Variants in RALGAPA2 observed in about 807,000 individuals in gnomAD.
RALGAPA2 encodes the protein ral GTPase-activating protein subunit alpha-2.
RALGAPA2 carries 139 observed loss-of-function variants against 230.4 expected under a neutral mutation model. The observed-to-expected ratio is 0.60, with a 90% CI of 0.53 to 0.69. The LOEUF (loss-of-function observed/expected upper bound fraction) is 0.69. Ranked by LOEUF, RALGAPA2 falls within the 30% of genes least tolerant of loss-of-function variation. The pLI is 0.00. For synonymous variants in RALGAPA2, 847 were observed against 837.8 expected, an observed-to-expected ratio of 1.01 and a Z score of -0.19; for missense variants, 2,163 against 2,276.0, an observed-to-expected ratio of 0.95 and a Z score of 1.01.
chr20:20,675,884 A>T (rs985050023), intron 3 of RALGAPA2, among the ~76,000 whole-genome samples: 1 of 152,154 alleles, frequency 6.6e-6, no homozygotes, highest in Admixed American at 6.5e-5. Context: ...TTGGGTTTTT[A>T]AATTTTTTTA....
At chr20:20,696,043 A>T (rs1410769887) in intron 1 of RALGAPA2, among the ~76,000 whole-genome samples, 1 of 152,100 alleles carries the variant, frequency 6.6e-6, no homozygotes, top group African/African-American at 2.4e-5. Flanking sequence ...ATTTGGGGAT[A>T]ACAGCAAGCC....
At chr20:20,399,384 G>T (rs1257388211) in intron 38 of RALGAPA2, among the ~76,000 whole-genome samples, 2 of 151,786 alleles carry the variant, frequency 1.3e-5, no homozygotes, top group Non-Finnish European at 2.9e-5. Context: ...AGGTTATAGG[G>T]TTACAGTGTC....
At chr20:20,421,343 T>C (rs999461268) in intron 37 of RALGAPA2, among the ~76,000 whole-genome samples, 1 of 152,114 alleles carries the variant, frequency 6.6e-6, no homozygotes, top group African/African-American at 2.4e-5. Flanking sequence ...TGTGGAGAAA[T>C]TGGAATCCTC....
At chr20:20,490,440 T>C (rs972596080) in intron 36 of RALGAPA2, among the ~76,000 whole-genome samples, 1 of 152,222 alleles carries the variant, frequency 6.6e-6, no homozygotes, top group African/African-American at 2.4e-5. Context: ...TTCTGGTTGT[T>C]TGGTATTTTC....
At chr20:20,674,614 T>G (rs1568737479) in intron 3 of RALGAPA2, among the ~76,000 whole-genome samples, 1 of 152,142 alleles carries the variant, frequency 6.6e-6, no homozygotes, top group Non-Finnish European at 1.5e-5. Context: ...GTAGACAAAA[T>G]GTAGGAATTA....
At chr20:20,424,597 C>G (rs2060342584) in intron 37 of RALGAPA2, among the ~76,000 whole-genome samples, 1 of 152,154 alleles carries the variant, frequency 6.6e-6, no homozygotes, top group Non-Finnish European at 1.5e-5. Context: ...GTACTCCCAA[C>G]CTTAATATAG....
chr20:20,598,743 G>A (rs1347435725), intron 16 of RALGAPA2: 3 of 456,392 alleles, frequency 6.6e-6, no homozygotes, highest in East Asian at 6.9e-5. Context: ...CGGTGTGAAG[G>A]AGGAGCGGGA....
chr20:20,499,701 G>A (rs2062316535), intron 35 of RALGAPA2, among the ~76,000 whole-genome samples: 1 of 152,214 alleles, frequency 6.6e-6, no homozygotes, highest in African/African-American at 2.4e-5. Context: ...GGTCATTATA[G>A]CATGCTGGGG....
At chr20:20,594,278 A>C (rs2065381671) in intron 16 of RALGAPA2, among the ~76,000 whole-genome samples, 1 of 152,194 alleles carries the variant, frequency 6.6e-6, no homozygotes, top group East Asian at 1.9e-4. Flanking sequence ...TGAATGACAG[A>C]AACAATTTCT....
At chr20:20,404,648 AG>A (rs1472173792) in intron 38 of RALGAPA2, among the ~76,000 whole-genome samples, 1 of 152,204 alleles carries the variant, frequency 6.6e-6, no homozygotes, top group Non-Finnish European at 1.5e-5. Context: ...GCTTTAATTA[AG>A]AGTTATTTCC....
chr20:20,436,112 C>T (rs1173221474), intron 37 of RALGAPA2, among the ~76,000 whole-genome samples: 1 of 152,108 alleles, frequency 6.6e-6, no homozygotes, highest in Non-Finnish European at 1.5e-5. Context: ...CCCGCTGGGC[C>T]CCAGACATTT....
intron 25 of RALGAPA2, among the ~76,000 whole-genome samples, chr20:20,536,021 G>A (rs1254138327): frequency 6.6e-6 from 1 of 152,206 alleles, no homozygotes; most frequent in East Asian, 1.9e-4. Context: ...AGGCCATTCA[G>A]CCCGCGGGAG....
chr20:20,659,704 G>A (rs1233016522), intron 3 of RALGAPA2: 14 of 492,216 alleles, frequency 2.8e-5, no homozygotes, highest in Middle Eastern at 3.5e-4. Flanking sequence ...CAGCAGCAGC[G>A]AGAGGATGAA....
intron 23 of RALGAPA2, among the ~76,000 whole-genome samples, chr20:20,552,524 G>A (rs1299510291): frequency 1.3e-5 from 2 of 152,174 alleles, no homozygotes; most frequent in Admixed American, 1.3e-4. Context: ...GTAAAGAGGG[G>A]AAGGTTGGGA....
intron 37 of RALGAPA2, among the ~76,000 whole-genome samples, chr20:20,463,723 A>C (rs1424926018): frequency 6.6e-6 from 1 of 152,234 alleles, no homozygotes; most frequent in Non-Finnish European, 1.5e-5. Context: ...GTCATTCCCA[A>C]AGTAACCATC....
At chr20:20,556,301 G>A (rs564440943) in intron 23 of RALGAPA2, among the ~76,000 whole-genome samples, 1 of 152,286 alleles carries the variant, frequency 6.6e-6, no homozygotes, top group African/African-American at 2.4e-5. Flanking sequence ...CAGATCAAGA[G>A]GGGCTGCTGT....
chr20:20,476,480 A>G (rs867611765), intron 36 of RALGAPA2, among the ~76,000 whole-genome samples: 8 of 151,958 alleles, frequency 5.3e-5, no homozygotes, highest in African/African-American at 1.7e-4. Context: ...TTCAATAAAG[A>G]CACTGGAACA....
chr20:20,655,642 C>T (rs2067563182), intron 3 of RALGAPA2, among the ~76,000 whole-genome samples: 1 of 152,108 alleles, frequency 6.6e-6, no homozygotes, highest in Non-Finnish European at 1.5e-5. Flanking sequence ...GCTTAATGTC[C>T]TCATGGGAGC....
At position 20,391,387 on chromosome 20, in the gene RALGAPA2, C is replaced by T. The variant is rs953363081; in HGVS notation, c.*1902G>A. On this transcript the variant is annotated 3_prime_UTR_variant, in exon 40 of 40. Transcript: ENST00000202677. ...TGAGTATCCTGGGCCCTTCCCAAAA[C>T]GGCCCAGGGGCCAGAAGCTTCCTTC... 5.9e-5 allele frequency: 9 copies of T among 152,268 alleles called. No homozygotes were observed. The highest frequency in any genetic ancestry group is 2.1e-4 in the South Asian group (1 of 4,836). 9.4% of individuals were successfully genotyped at this position (152,268 alleles called of 1,614,324 possible).
Sources: allele counts gnomAD v4.1 joint callset (sites outside exome capture counted in the v4.1 genomes callset), GRCh38; gene constraint gnomAD v4.1.1; transcripts MANE v1.5; gene names NCBI Gene and HGNC (gene_info 2026-07-23, HGNC 2026-07-21).